Variants in TOM1L2 observed in about 807,000 individuals in gnomAD.
The protein encoded by TOM1L2 is TOM1-like protein 2.
In TOM1L2, 31 loss-of-function variants were observed where a neutral mutation model predicts 67.9. The ratio of observed to expected loss-of-function variants is 0.46; its 90% CI spans 0.34 to 0.62. TOM1L2 has a LOEUF of 0.62. TOM1L2 is among the 20% of genes least tolerant of loss of function. The pLI is 0.01. For synonymous variants in TOM1L2, 256 were observed against 254.0 expected, an observed-to-expected ratio of 1.01 and a Z score of -0.07; for missense variants, 606 against 663.5, an observed-to-expected ratio of 0.91 and a Z score of 0.95.
At chr17:17,906,036 G>C (rs2039081968) in intron 2 of TOM1L2, among the ~76,000 whole-genome samples, 1 of 151,600 alleles carries the variant, frequency 6.6e-6, no homozygotes, top group South Asian at 2.1e-4. Context: ...TTCTTCCCTT[G>C]TATAATCCTC....
intron 4 of TOM1L2, among the ~76,000 whole-genome samples, chr17:17,886,479 G>A (rs1036275981): frequency 2.0e-5 from 3 of 152,252 alleles, no homozygotes; most frequent in East Asian, 3.8e-4. Flanking sequence ...CACCAGCTGC[G>A]CTGGCTGCCT....
chr17:17,936,905 CT>C (rs2040536495), intron 1 of TOM1L2, among the ~76,000 whole-genome samples: 1 of 152,260 alleles, frequency 6.6e-6, no homozygotes, highest in African/African-American at 2.4e-5. Flanking sequence ...GGGAAAAAGG[CT>C]TTTTAACAGT....
At chr17:17,968,414 C>G (rs567636715) in intron 1 of TOM1L2, among the ~76,000 whole-genome samples, 1 of 152,306 alleles carries the variant, frequency 6.6e-6, no homozygotes, top group Non-Finnish European at 1.5e-5. Flanking sequence ...CTCCTATAAT[C>G]CTAGCACTTT....
At chr17:17,868,667 T>A (rs1001331683) in intron 8 of TOM1L2, among the ~76,000 whole-genome samples, 1 of 152,184 alleles carries the variant, frequency 6.6e-6, no homozygotes, top group Non-Finnish European at 1.5e-5. Context: ...TTCCTCCTAT[T>A]TAAAACTAGG....
intron 6 of TOM1L2, among the ~76,000 whole-genome samples, chr17:17,881,955 T>C (rs1006883753): frequency 1.4e-4 from 22 of 152,164 alleles, no homozygotes; most frequent in African/African-American, 4.8e-4. Flanking sequence ...ATATAAACAT[T>C]GGAGAGTTTT....
intron 1 of TOM1L2, among the ~76,000 whole-genome samples, chr17:17,959,924 C>T (rs2041617176): frequency 6.6e-6 from 1 of 152,222 alleles, no homozygotes. Flanking sequence ...TGTTTAAATT[C>T]CGTCTTTTCC....
At chr17:17,869,099 C>A in intron 8 of TOM1L2, 1 of 658,186 alleles carries the variant, frequency 1.5e-6, no homozygotes. Context: ...CAGCCTGAGG[C>A]TTACAAAGGG....
At chr17:17,923,860 G>A (rs905018140) in intron 1 of TOM1L2, among the ~76,000 whole-genome samples, 2 of 151,954 alleles carry the variant, frequency 1.3e-5, no homozygotes, top group African/African-American at 2.4e-5. Context: ...AAAAAAGGCC[G>A]GGCGCGGTGG....
intron 1 of TOM1L2, among the ~76,000 whole-genome samples, chr17:17,911,272 C>T (rs1294569664): frequency 6.6e-6 from 1 of 152,122 alleles, no homozygotes; most frequent in African/African-American, 2.4e-5. Context: ...TAATGGGAGC[C>T]GTATCTGATT....
intron 1 of TOM1L2, among the ~76,000 whole-genome samples, chr17:17,954,323 T>C (rs2041337849): frequency 6.6e-6 from 1 of 151,426 alleles, no homozygotes; most frequent in Non-Finnish European, 1.5e-5. Context: ...TTTTTTTTTT[T>C]TTTTTTGTGA....
At chr17:17,851,186 C>T in intron 12 of TOM1L2, 1 of 552,834 alleles carries the variant, frequency 1.8e-6, no homozygotes, top group Non-Finnish European at 3.3e-6. Context: ...CCCGGCAGGG[C>T]CGGCGGTAAG....
At chr17:17,896,203 A>T (rs1007873778) in intron 3 of TOM1L2, among the ~76,000 whole-genome samples, 11 of 152,040 alleles carry the variant, frequency 7.2e-5, no homozygotes, top group Admixed American at 4.6e-4. Flanking sequence ...CCTTACAGGC[A>T]CCCTTCTCTC....
intron 1 of TOM1L2, among the ~76,000 whole-genome samples, chr17:17,935,727 C>T (rs1391081429): frequency 6.6e-6 from 1 of 152,186 alleles, no homozygotes; most frequent in East Asian, 1.9e-4. Context: ...TGCCATCATG[C>T]TCCAAGAGCC....
At chr17:17,852,857 C>T (rs1333380535) in intron 12 of TOM1L2, among the ~76,000 whole-genome samples, 1 of 113,574 alleles carries the variant, frequency 8.8e-6, no homozygotes, top group Non-Finnish European at 1.7e-5. Flanking sequence ...AAGACTGAAA[C>T]TCTGTCTAAA....
In TOM1L2 at chr17:17,845,844, G is replaced by A. The variant is rs1403439711; in HGVS notation, c.*1791C>T. On this transcript the variant is annotated 3_prime_UTR_variant, in exon 15 of 15. Transcript: ENST00000379504. ...CAAGCATCAGGGAGCAGAAGGCCCA[G>A]GCAGGTGTGGCATGTGCTGCCAGAG... 6.6e-6 allele frequency: 1 copy of A among 152,512 alleles called. No homozygotes were observed. Among genetic ancestry groups the A allele is most frequent in the Non-Finnish European group, 1.5e-5 (1 of 68,240 alleles). The allele number at this position is 152,512 out of a possible 1,614,324, so 9.4% of individuals were successfully genotyped here. A position where few individuals can be genotyped will look rare whatever the true frequency, so the allele number is the denominator to read the frequency against.
chr17:17,844,873 G>C lies in TOM1L2; in HGVS notation c.*2762C>G, dbSNP rs1162333881. The stretch of plus-strand genomic sequence containing the variant: ...TTTAACCTATAATCAGGTATAATTA[G>C]TGCTTATAAGGAATCCCAGCAATAA... On this transcript the variant is annotated 3_prime_UTR_variant, in exon 15 of 15. Coordinates refer to ENST00000379504, the MANE Select transcript of TOM1L2 (RefSeq NM_001082968.2). 1 of 152,404 alleles carries C rather than the reference G, an allele frequency of 6.6e-6. No individual in the cohort carries two copies. Among genetic ancestry groups the C allele is most frequent in the Non-Finnish European group, 1.5e-5 (1 of 68,046 alleles). The allele number at this position is 152,404 out of a possible 1,614,324, so 9.4% of individuals were successfully genotyped here.
chr17:17,910,640 G>A (rs1158397418), intron 1 of TOM1L2, among the ~76,000 whole-genome samples: 1 of 151,996 alleles, frequency 6.6e-6, no homozygotes, highest in African/African-American at 2.4e-5. Flanking sequence ...TGTGATCTCG[G>A]CTCACTGCAA....
chr17:17,866,309 C>G lies in TOM1L2; in HGVS notation c.1071G>C (p.Gln357His). 6.2e-7 allele frequency: 1 copy of G among 1,612,852 alleles called. No individual in the cohort carries two copies. Among genetic ancestry groups the G allele is most frequent in the Non-Finnish European group, 8.5e-7 (1 of 1,179,524 alleles). Residue 357 changes from glutamine to histidine, a missense_variant, in exon 10 of 15, where the codon CAG becomes CAC. Physicochemically the swap from Gln to His is conservative, Grantham distance 24. Transcript: ENST00000379504. ...TGAGACACTCACCTAAGCCTGCAAG[C>G]TGGGAGGAGAGGGAAGATGGGGGCG... The part of the protein sequence containing the change: ...NTAPPSSLSS[Q>H]LAGLDLGTES...
intron 1 of TOM1L2, among the ~76,000 whole-genome samples, chr17:17,930,805 A>G (rs8068820): frequency 0.49 from 74,080 of 152,046 alleles, 19,112 homozygotes; most frequent in East Asian, 0.86. Flanking sequence ...GCAACTAGAC[A>G]CTAATTAGGC....
Sources: allele counts gnomAD v4.1 joint callset (sites outside exome capture counted in the v4.1 genomes callset), GRCh38; gene constraint gnomAD v4.1.1; transcripts MANE v1.5; gene names NCBI Gene and HGNC (gene_info 2026-07-23, HGNC 2026-07-21).